PTPRD: variants seen among roughly 807,000 people sequenced by gnomAD.
The protein encoded by PTPRD is receptor-type tyrosine-protein phosphatase delta.
Under a neutral mutation model 214.5 loss-of-function variants are expected in PTPRD, and 34 were observed. That is an observed-to-expected ratio of 0.16 (90% CI 0.12 to 0.21). The LOEUF is 0.21. Among genes scored for constraint, PTPRD ranks in the 10% least tolerant of loss-of-function variants. The pLI, the probability that PTPRD is intolerant of heterozygous loss-of-function variation, is 1.00. For missense variants in PTPRD, 2,545 were observed against 2,398.7 expected, an observed-to-expected ratio of 1.06 and a Z score of -1.27; for synonymous variants, 1,128 against 845.7, an observed-to-expected ratio of 1.33 and a Z score of -5.79.
chr9:10,198,838 G>A (rs2099408222), intron 3 of PTPRD, among the ~76,000 whole-genome samples: 1 of 151,998 alleles, frequency 6.6e-6, no homozygotes, highest in South Asian at 2.1e-4. Flanking sequence ...GTAAATGTAT[G>A]AGATGAGATT....
intron 12 of PTPRD, among the ~76,000 whole-genome samples, chr9:8,674,726 G>C (rs1596605959): frequency 2.6e-5 from 4 of 152,118 alleles, no homozygotes; most frequent in African/African-American, 7.2e-5. Flanking sequence ...CCCTGGGCTA[G>C]ATTATGATTA....
chr9:10,501,271 T>A (rs1290225729), intron 2 of PTPRD, among the ~76,000 whole-genome samples: 4 of 152,048 alleles, frequency 2.6e-5, no homozygotes, highest in Non-Finnish European at 4.4e-5. Flanking sequence ...TAGTCTTGAT[T>A]TGTATTTCTC....
intron 10 of PTPRD, among the ~76,000 whole-genome samples, chr9:9,166,437 T>C (rs942680558): frequency 9.9e-5 from 15 of 152,084 alleles, no homozygotes; most frequent in African/African-American, 3.6e-4. Context: ...TCTGTTAAGG[T>C]CATCTCATTC....
At chr9:10,159,738 T>A (rs2099115975) in intron 3 of PTPRD, among the ~76,000 whole-genome samples, 1 of 151,812 alleles carries the variant, frequency 6.6e-6, no homozygotes, top group Non-Finnish European at 1.5e-5. Context: ...TAGAGGCTCT[T>A]AGTAACAGAA....
intron 4 of PTPRD, among the ~76,000 whole-genome samples, chr9:10,008,833 G>T (rs900612156): frequency 6.6e-6 from 1 of 151,664 alleles, no homozygotes; most frequent in East Asian, 1.9e-4. Context: ...ATTCAAGAAA[G>T]ACCAAAATAA....
At chr9:10,219,716 T>A (rs913721644) in intron 3 of PTPRD, among the ~76,000 whole-genome samples, 2 of 151,876 alleles carry the variant, frequency 1.3e-5, no homozygotes, top group African/African-American at 2.4e-5. Flanking sequence ...ACTAGTAATA[T>A]CAAATCTCTT....
At chr9:9,268,883 A>G (rs1941472317) in intron 9 of PTPRD, among the ~76,000 whole-genome samples, 1 of 151,058 alleles carries the variant, frequency 6.6e-6, no homozygotes, top group Non-Finnish European at 1.5e-5. Context: ...TTAAAGACAT[A>G]ATACCTAAAG....
intron 11 of PTPRD, among the ~76,000 whole-genome samples, chr9:8,770,390 T>C (rs2095113177): frequency 6.6e-6 from 1 of 151,986 alleles, no homozygotes; most frequent in Admixed American, 6.6e-5. Flanking sequence ...AATCAAATAA[T>C]TAGAAAATAC....
At chr9:8,577,700 C>T (rs2092596477) in intron 14 of PTPRD, among the ~76,000 whole-genome samples, 6 of 152,182 alleles carry the variant, frequency 3.9e-5, no homozygotes, top group Admixed American at 2.6e-4. Flanking sequence ...TTTAATACAT[C>T]TTTGTTATTC....
chr9:9,653,234 C>A (rs1212257895), intron 7 of PTPRD, among the ~76,000 whole-genome samples: 1 of 148,166 alleles, frequency 6.7e-6, no homozygotes, highest in East Asian at 2.0e-4. Context: ...CCCAGCTACT[C>A]GGGAGGCTGA....
chr9:9,167,623 T>C (rs1359809543), intron 10 of PTPRD, among the ~76,000 whole-genome samples: 2 of 151,730 alleles, frequency 1.3e-5, no homozygotes, highest in African/African-American at 4.8e-5. Context: ...GGTATGGTGG[T>C]GCGTGCCTGT....
intron 4 of PTPRD, among the ~76,000 whole-genome samples, chr9:10,018,713 A>G (rs1305164917): frequency 3.3e-5 from 5 of 149,840 alleles, no homozygotes; most frequent in African/African-American, 1.2e-4. Context: ...ACGCCCGGCT[A>G]ATTTTTTTTG....
chr9:8,548,995 G>A (rs544057555), intron 14 of PTPRD, among the ~76,000 whole-genome samples: 17 of 151,982 alleles, frequency 1.1e-4, no homozygotes, highest in South Asian at 4.2e-4. Flanking sequence ...CCGGGCCACA[G>A]CTGGATATTT....
intron 11 of PTPRD, among the ~76,000 whole-genome samples, chr9:8,965,271 T>C (rs570880483): frequency 6.6e-6 from 1 of 151,596 alleles, no homozygotes; most frequent in East Asian, 2.0e-4. Flanking sequence ...TCTCAGCTAC[T>C]AGGGAGGCTG....
intron 8 of PTPRD, among the ~76,000 whole-genome samples, chr9:9,526,856 C>T (rs888523903): frequency 1.3e-5 from 2 of 151,978 alleles, no homozygotes; most frequent in African/African-American, 4.8e-5. Flanking sequence ...GCTTTATATA[C>T]CTGTAGTTTT....
In PTPRD at chr9:9,134,806, C is replaced by CGTGTGTGTGTGT. The variant is rs142357379; in HGVS notation, c.-143+48486_-143+48497dup. 9.0e-3 allele frequency among the ~76,000 whole-genome samples: 1,351 copies of CGTGTGTGTGTGT among 150,666 alleles called. 26 individuals carry two copies. Among genetic ancestry groups the CGTGTGTGTGTGT allele is most frequent in the African/African-American group, 0.031 (1,266 of 41,096 alleles). On this transcript the variant is annotated intron_variant, in intron 10 of 45. Transcript: ENST00000381196. ...TCCTTGAAATCTGGTATTTGGAGTG[C>CGTGTGTGTGTGT]GTGTGTGTGTGTGTGTGTTTTCACT...
chr9:10,305,814 A>C (rs1316822059), intron 3 of PTPRD, among the ~76,000 whole-genome samples: 1 of 152,148 alleles, frequency 6.6e-6, no homozygotes, highest in Admixed American at 6.5e-5. Flanking sequence ...ACACTTTTAC[A>C]CTGTTGGTGG....
At position 8,990,266 on chromosome 9, in the gene PTPRD, T is replaced by C. The variant is rs532642625; in HGVS notation, c.-104+28431A>G. Among the ~76,000 whole-genome samples the C allele has an allele frequency of 4.6e-5, 7 of 152,272 alleles. No individual in the cohort carries two copies. In the East Asian group the frequency reaches 1.4e-3, roughly 29 times the overall value. ...CACACTAAAGGAGCAAGGGTCCCAC[T>C]TAGAAATAGCCATTGTTAAATGATT... is the stretch of plus-strand genomic sequence containing the variant. On this transcript the variant is annotated intron_variant, in intron 11 of 45. Transcript: ENST00000381196.
At chr9:9,211,580 A>G (rs142247953) in intron 9 of PTPRD, among the ~76,000 whole-genome samples, 3 of 150,880 alleles carry the variant, frequency 2.0e-5, no homozygotes, top group African/African-American at 7.3e-5. Context: ...TTTCTTCTCA[A>G]TGATATTAAG....
Sources: gnomAD v4.1 joint callset for allele counts (sites outside exome capture counted in the v4.1 genomes callset) on GRCh38, gnomAD v4.1.1 for gene constraint, MANE v1.5 for transcripts, NCBI Gene and HGNC (gene_info 2026-07-23, HGNC 2026-07-21) for gene names.